Variants in OPCML observed in about 807,000 individuals in gnomAD.
The protein encoded by OPCML is opioid-binding protein/cell adhesion molecule.
In OPCML, 13 loss-of-function variants were observed where a neutral mutation model predicts 37.8. The observed-to-expected ratio is 0.34, with a 90% CI of 0.22 to 0.55. The LOEUF is 0.55. Among genes scored for constraint, OPCML ranks in the 20% least tolerant of loss-of-function variants. The probability of loss-of-function intolerance (pLI) is 0.91; values close to 1 mark genes in which losing one functional copy is unlikely to be tolerated. For missense variants in OPCML, 341 were observed against 435.6 expected (o/e 0.78, Z 1.93); for synonymous variants, 176 against 168.8 (o/e 1.04, Z -0.33).
At chr11:132,913,210 G>A (rs1944485657) in intron 2 of OPCML, among the ~76,000 whole-genome samples, 1 of 152,160 alleles carries the variant, frequency 6.6e-6, no homozygotes, top group Admixed American at 6.5e-5. Flanking sequence ...ATTTGTGCTG[G>A]CAAAGTAACT....
At chr11:133,478,256 C>A (rs1254471372) in intron 1 of OPCML, among the ~76,000 whole-genome samples, 1 of 152,168 alleles carries the variant, frequency 6.6e-6, no homozygotes, top group Non-Finnish European at 1.5e-5. Context: ...CCTCTCCCAG[C>A]ATCACAATCT....
intron 1 of OPCML, among the ~76,000 whole-genome samples, chr11:133,016,337 G>A (rs1159496495): frequency 1.3e-5 from 2 of 152,128 alleles, no homozygotes; most frequent in South Asian, 4.1e-4. Context: ...CTTCCTTGGA[G>A]TTGTGGGACT....
intron 1 of OPCML, among the ~76,000 whole-genome samples, chr11:133,165,833 C>G (rs1950201852): frequency 6.6e-6 from 1 of 152,162 alleles, no homozygotes; most frequent in African/African-American, 2.4e-5. Flanking sequence ...CCAGACCACC[C>G]TGGTCCCTGG....
Position 132,417,418 on chromosome 11 carries a change from A to T in OPCML, c.*2775T>A, listed in dbSNP as rs1279914907. The T allele has an allele frequency of 6.6e-6, 1 of 152,190 alleles. No individual in the cohort carries two copies. The highest frequency in any genetic ancestry group is 2.4e-5 in the African/African-American group (1 of 41,442). The allele number at this position is 152,190 out of a possible 1,614,324, so 9.4% of individuals were successfully genotyped here. A position where few individuals can be genotyped will look rare whatever the true frequency, so the allele number is the denominator to read the frequency against. Reference sequence around the variant, plus strand: ...TTGTCTTTACCCCAGACAGATGAGGATCAACTGTAGCATTTCTCTCCCTCT... The same window carrying T: ...TTGTCTTTACCCCAGACAGATGAGGTTCAACTGTAGCATTTCTCTCCCTCT... On this transcript the variant is annotated 3_prime_UTR_variant, in exon 8 of 8. Transcript: ENST00000524381.
At chr11:132,576,442 A>C (rs772355338) in intron 3 of OPCML, among the ~76,000 whole-genome samples, 2 of 150,974 alleles carry the variant, frequency 1.3e-5, no homozygotes, top group African/African-American at 2.4e-5. Context: ...GAATTTTTCA[A>C]TTTGATGTTT....
At chr11:133,275,984 G>T (rs1049244199) in intron 1 of OPCML, among the ~76,000 whole-genome samples, 1 of 152,008 alleles carries the variant, frequency 6.6e-6, no homozygotes, top group African/African-American at 2.4e-5. Flanking sequence ...TAAGGGTAAT[G>T]ACAAAGAAAA....
intron 1 of OPCML, among the ~76,000 whole-genome samples, chr11:133,377,989 T>G (rs1944852322): frequency 6.6e-6 from 1 of 152,230 alleles, no homozygotes; most frequent in Non-Finnish European, 1.5e-5. Flanking sequence ...GTTACAAAGT[T>G]TAATACGCCA....
chr11:132,935,093 C>T (rs1330583529), intron 2 of OPCML, among the ~76,000 whole-genome samples: 1 of 150,762 alleles, frequency 6.6e-6, no homozygotes, highest in African/African-American at 2.4e-5. Context: ...GAGCCAAGAT[C>T]GCACCATTGC....
intron 1 of OPCML, among the ~76,000 whole-genome samples, chr11:133,430,456 A>G (rs536073021): frequency 3.9e-5 from 6 of 152,354 alleles, no homozygotes; most frequent in African/African-American, 1.4e-4. Flanking sequence ...ATGTAAAATA[A>G]TAAAATATTA....
At chr11:133,261,363 T>C (rs922411304) in intron 1 of OPCML, among the ~76,000 whole-genome samples, 2 of 152,224 alleles carry the variant, frequency 1.3e-5, no homozygotes, top group African/African-American at 4.8e-5. Flanking sequence ...CCCCCCATCT[T>C]TCCAGTCTTG....
chr11:132,684,475 G>A (rs549882249), intron 2 of OPCML, among the ~76,000 whole-genome samples: 29 of 152,234 alleles, frequency 1.9e-4, no homozygotes, highest in East Asian at 7.7e-4. Flanking sequence ...GCACATTAGC[G>A]TATTAAGCCA....
chr11:133,394,821 G>A (rs1945251787), intron 1 of OPCML, among the ~76,000 whole-genome samples: 1 of 152,200 alleles, frequency 6.6e-6, no homozygotes, highest in Non-Finnish European at 1.5e-5. Context: ...TGTGAACAGT[G>A]CTGCAACAAA....
At chr11:132,732,703 G>A (rs573111822) in intron 2 of OPCML, among the ~76,000 whole-genome samples, 1 of 152,268 alleles carries the variant, frequency 6.6e-6, no homozygotes, top group Admixed American at 6.5e-5. Context: ...CAAATGGACA[G>A]CAAACCAAGA....
At chr11:133,396,022 A>C (rs139700955) in intron 1 of OPCML, among the ~76,000 whole-genome samples, 1 of 152,184 alleles carries the variant, frequency 6.6e-6, no homozygotes, top group African/African-American at 2.4e-5. Context: ...TGAACATGGA[A>C]TATGCTTCCA....
At chr11:132,805,571 C>G (rs1938953788) in intron 2 of OPCML, among the ~76,000 whole-genome samples, 1 of 152,194 alleles carries the variant, frequency 6.6e-6, no homozygotes, top group African/African-American at 2.4e-5. Flanking sequence ...TAGCAACACT[C>G]TGACTTCTCA....
At chr11:133,048,025 T>A (rs1452086803) in intron 1 of OPCML, among the ~76,000 whole-genome samples, 1 of 152,086 alleles carries the variant, frequency 6.6e-6, no homozygotes, top group Admixed American at 6.6e-5. Flanking sequence ...CAGTGCCCAC[T>A]GCCTTCCTGC....
At chr11:132,601,879 T>C (rs532427725) in intron 3 of OPCML, among the ~76,000 whole-genome samples, 19 of 152,304 alleles carry the variant, frequency 1.2e-4, no homozygotes, top group African/African-American at 4.1e-4. Context: ...GGCAGTTTGG[T>C]TGCACACTAC....
At chr11:132,476,107 T>C (rs911295221) in intron 4 of OPCML, among the ~76,000 whole-genome samples, 2 of 152,220 alleles carry the variant, frequency 1.3e-5, no homozygotes, top group African/African-American at 4.8e-5. Flanking sequence ...TTTTAGCATG[T>C]ACACTATATT....
rs1212169496 is a variant in OPCML at position 133,439,324 on chromosome 11, C to G, written c.61+92940G>C. On this transcript the variant is annotated intron_variant, in intron 1 of 7. Coordinates refer to ENST00000524381, the MANE Select transcript of OPCML (RefSeq NM_001012393.5). ...TTTTTTTTTTAAAGCCAACCTCAAG[C>G]AAAGAAAAATAAAAACAAACAAACC... The G allele has an allele frequency of 5.1e-6, 5 of 983,128 alleles. No homozygotes were observed. The Admixed American group carries it at 3.1e-4, about 61-fold the overall frequency. 60.9% of individuals were successfully genotyped at this position (983,128 alleles called of 1,614,324 possible).
Sources: gnomAD v4.1 joint callset for allele counts (sites outside exome capture counted in the v4.1 genomes callset) on GRCh38, gnomAD v4.1.1 for gene constraint, MANE v1.5 for transcripts, NCBI Gene and HGNC (gene_info 2026-07-23, HGNC 2026-07-21) for gene names.